The following PDE1A variants were observed in gnomAD, a reference collection of about 807,000 sequenced individuals.
PDE1A encodes the protein phosphodiesterase 1A, also known as dual specificity calcium/calmodulin-dependent 3',5'-cyclic nucleotide phosphodiesterase 1A.
In PDE1A, 35 loss-of-function variants were observed where a neutral mutation model predicts 61.7. That is an observed-to-expected ratio of 0.57 (90% confidence interval 0.43 to 0.75). The LOEUF (loss-of-function observed/expected upper bound fraction) is 0.75, where lower values mean the gene tolerates loss of function less well. PDE1A is among the 30% of genes least tolerant of loss of function. The pLI, the probability that PDE1A is intolerant of heterozygous loss-of-function variation, is 0.00. For synonymous variants in PDE1A, 232 were observed against 213.2 expected, an observed-to-expected ratio of 1.09 and a Z score of -0.77; for missense variants, 597 against 630.6, an observed-to-expected ratio of 0.95 and a Z score of 0.57.
intron 1 of PDE1A, among the ~76,000 whole-genome samples, chr2:182,397,319 A>T (rs1303730927): frequency 6.6e-6 from 1 of 152,156 alleles, no homozygotes; most frequent in Admixed American, 6.5e-5. Context: ...GGTCGAAAAC[A>T]GTTCAATATT....
chr2:182,468,736 T>G lies in PDE1A; in HGVS notation c.101+53540A>C, dbSNP rs185190315. Among the ~76,000 whole-genome samples the G allele has an allele frequency of 7.2e-5, 11 of 152,124 alleles. No homozygotes were observed. In the East Asian group the frequency reaches 1.7e-3, roughly 24 times the overall value. On this transcript the variant is annotated intron_variant, in intron 2 of 14. Transcript: ENST00000410103. ...ACTATCTGTGGCAACTATAGCCTCA[T>G]GAAATGTATTTCTTAAATAATAAGA...
chr2:182,357,020 G>A (rs374908615), intron 1 of PDE1A, among the ~76,000 whole-genome samples: 4 of 151,908 alleles, frequency 2.6e-5, no homozygotes, highest in African/African-American at 4.8e-5. Context: ...ATCACACACC[G>A]GGACCTGTTG....
At chr2:182,148,384 G>A (rs1041360361) in intron 13 of PDE1A, among the ~76,000 whole-genome samples, 1 of 152,176 alleles carries the variant, frequency 6.6e-6, no homozygotes. Flanking sequence ...AAGCTAAGAG[G>A]AGCAGCAGTG....
At chr2:182,257,367 G>T (rs1295569534) in intron 2 of PDE1A, among the ~76,000 whole-genome samples, 1 of 152,204 alleles carries the variant, frequency 6.6e-6, no homozygotes, top group Admixed American at 6.5e-5. Flanking sequence ...TCAAAAAATT[G>T]GTTTAGTCTA....
chr2:182,371,715 A>G (rs555512841), intron 1 of PDE1A, among the ~76,000 whole-genome samples: 1 of 152,324 alleles, frequency 6.6e-6, no homozygotes, highest in East Asian at 1.9e-4. Context: ...GTCTTGCCTC[A>G]TTAAAAATCA....
At chr2:182,623,969 C>CA in the PDE1A span, among the ~76,000 whole-genome samples, 3 of 151,682 alleles carry the variant, frequency 2.0e-5, no homozygotes, top group Non-Finnish European at 2.9e-5. Flanking sequence ...ACTAAAAATA[C>CA]AAAAAATTAG....
intron 2 of PDE1A, among the ~76,000 whole-genome samples, chr2:182,440,425 T>C (rs1421881724): frequency 6.6e-6 from 1 of 152,210 alleles, no homozygotes; most frequent in East Asian, 1.9e-4. Context: ...AATGGGATGC[T>C]ACTTAGTTAT....
chr2:182,701,691 A>G, the PDE1A span, among the ~76,000 whole-genome samples: 1,156 of 152,086 alleles, frequency 7.6e-3, 5 homozygotes, highest in Non-Finnish European at 0.013. Flanking sequence ...CTTAACTTTT[A>G]AACCTGTGTC....
chr2:182,415,659 T>C (rs1023898553), intron 1 of PDE1A, among the ~76,000 whole-genome samples: 1 of 152,178 alleles, frequency 6.6e-6, no homozygotes, highest in Non-Finnish European at 1.5e-5. Flanking sequence ...TAGAGACAGT[T>C]CTTTATGTTC....
At chr2:182,426,718 G>A in exon 1 of PDE1A, 1 of 1,589,426 alleles carries the variant, frequency 6.3e-7, no homozygotes, top group Non-Finnish European at 8.5e-7. Flanking sequence ...CTATTGTGCT[G>A]CAAGGAGCCC....
At chr2:182,223,834 T>C (rs747077762) in intron 7 of PDE1A, 30 bp downstream of exon 7, 20 of 1,254,106 alleles carry the variant, frequency 1.6e-5, no homozygotes, top group Non-Finnish European at 2.2e-5. Flanking sequence ...AAATTTTAAC[T>C]AATGAAAGTT....
intron 1 of PDE1A, chr2:182,522,466 C>G: frequency 6.3e-7 from 1 of 1,583,180 alleles, no homozygotes; most frequent in South Asian, 1.1e-5. Context: ...CACACTTATA[C>G]AGTAGCCTCT....
intron 1 of PDE1A, among the ~76,000 whole-genome samples, chr2:182,316,069 A>C (rs1327799080): frequency 6.6e-6 from 1 of 152,182 alleles, no homozygotes; most frequent in East Asian, 1.9e-4. Flanking sequence ...GCAGTAATTG[A>C]ATAAGTCTCT....
At chr2:182,649,441 G>A in the PDE1A span, among the ~76,000 whole-genome samples, 2 of 151,930 alleles carry the variant, frequency 1.3e-5, no homozygotes, top group Non-Finnish European at 2.9e-5. Context: ...CAGGGGGCAG[G>A]TAAACCTTGT....
chr2:182,624,783 A>G, the PDE1A span, among the ~76,000 whole-genome samples: 4 of 152,316 alleles, frequency 2.6e-5, no homozygotes, highest in East Asian at 7.7e-4. Flanking sequence ...GGGGCCAGAT[A>G]CCAGACAACC....
At chr2:182,205,225 T>C (rs1686998801) in intron 8 of PDE1A, among the ~76,000 whole-genome samples, 1 of 152,186 alleles carries the variant, frequency 6.6e-6, no homozygotes, top group South Asian at 2.1e-4. Flanking sequence ...TAGGGACATA[T>C]ACTAAGAAGA....
intron 1 of PDE1A, among the ~76,000 whole-genome samples, chr2:182,351,680 T>G (rs932712026): frequency 1.3e-5 from 2 of 152,210 alleles, no homozygotes; most frequent in East Asian, 3.9e-4. Flanking sequence ...TACCGTGACA[T>G]TTGTGATCAA....
At chr2:182,227,849 C>T (rs189354953) in intron 6 of PDE1A, among the ~76,000 whole-genome samples, 23 of 152,186 alleles carry the variant, frequency 1.5e-4, no homozygotes, top group African/African-American at 4.1e-4. Flanking sequence ...AGATATAGTA[C>T]TAAATGTTCT....
chr2:182,645,998 G>A, the PDE1A span, among the ~76,000 whole-genome samples: 1 of 152,006 alleles, frequency 6.6e-6, no homozygotes, highest in African/African-American at 2.4e-5. Flanking sequence ...GTCATATTTT[G>A]GTTGAAAATA....
Sources: gnomAD v4.1 joint callset for allele counts (sites outside exome capture counted in the v4.1 genomes callset) on GRCh38, gnomAD v4.1.1 for gene constraint, MANE v1.5 for transcripts, NCBI Gene and HGNC (gene_info 2026-07-23, HGNC 2026-07-21) for gene names.